ZDHHC8: variants seen among roughly 807,000 people sequenced by gnomAD.
ZDHHC8 encodes zDHHC palmitoyltransferase 8.
Under a neutral mutation model 61.2 loss-of-function variants are expected in ZDHHC8, and 24 were observed. The ratio of observed to expected loss-of-function variants is 0.39; its 90% CI spans 0.28 to 0.55. The LOEUF (loss-of-function observed/expected upper bound fraction) is 0.55. Among genes scored for constraint, ZDHHC8 ranks in the 20% least tolerant of loss-of-function variants. The pLI, the probability that ZDHHC8 is intolerant of heterozygous loss-of-function variation, is 0.60. For synonymous variants in ZDHHC8, 523 were observed against 492.5 expected, an observed-to-expected ratio of 1.06 and a Z score of -0.82; for missense variants, 935 against 1,102.1, an observed-to-expected ratio of 0.85 and a Z score of 2.15.
Position 20,143,390 on chromosome 22 carries a change from T to C in ZDHHC8, c.1760T>C (p.Leu587Pro), listed in dbSNP as rs745653559. ...GVYDAPSSYS[L>P]QQASVLSEGP... ...TATGACGCTCCCAGCTCCTACAGCC[T>C]GCAGCAGGCCAGTGTGCTGTCCGAG... Residue 587 changes from leucine to proline, a missense_variant, in exon 10 of 11, where the codon CTG becomes CCG. Physicochemically the swap from Leu to Pro is moderately conservative, Grantham distance 98. Around this residue, in one of 3 missense-constraint regions of ZDHHC8, gnomAD observed 692 missense variants for 731.4 expected, o/e 0.95. Transcript: ENST00000334554. The C allele has an allele frequency of 3.8e-6, 6 of 1,586,466 alleles. No individual in the cohort carries two copies. In the South Asian group the frequency reaches 5.6e-5, roughly 15 times the overall value.
intron 1 of ZDHHC8, among the ~76,000 whole-genome samples, chr22:20,132,332 G>T (rs1020499956): frequency 2.0e-5 from 3 of 152,244 alleles, no homozygotes; most frequent in Admixed American, 2.0e-4. Context: ...GGAGCGCTGG[G>T]CCCTGGCAGG....
chr22:20,143,594 C>G lies in ZDHHC8; in HGVS notation c.1964C>G (p.Ala655Gly), dbSNP rs752324312. ...CAGGCTGATCAGGCCAGCAGCAACG[C>G]CCCGGGGCCCCGGCCCAGCAGTGGC... ...SLQADQASSNAPGPRPSSGSH... is the reference protein window; with the variant it reads ...SLQADQASSNGPGPRPSSGSH... The change falls in exon 10 of 11, where the codon GCC (alanine) becomes GGC (glycine). Residue 655 changes from alanine to glycine, a missense_variant. This residue lies in a region of ZDHHC8 where 692 missense variants were observed against 731.4 expected (regional missense o/e 0.95). Transcript: ENST00000334554. The G allele has an allele frequency of 6.2e-7, 1 of 1,600,708 alleles. No homozygotes were observed. The highest frequency in any genetic ancestry group is 8.5e-7 in the Non-Finnish European group (1 of 1,178,022).
chr22:20,143,766 G>A lies in ZDHHC8; in HGVS notation c.2126+10G>A, dbSNP rs760284130. ...CGCTGACCGTGCAGAGGTGGGTGCCGGGAGGTGCGGGTGGGCTTCCTGGCA... is the reference window on the plus strand; with the variant it reads ...CGCTGACCGTGCAGAGGTGGGTGCCAGGAGGTGCGGGTGGGCTTCCTGGCA... On this transcript the variant is annotated intron_variant, in intron 10 of 10. Coordinates refer to ENST00000334554, the MANE Select transcript of ZDHHC8 (RefSeq NM_013373.4). The A allele has an allele frequency of 3.9e-5, 63 of 1,597,562 alleles. No homozygotes were observed. The highest frequency in any genetic ancestry group is 3.1e-4 in the East Asian group (14 of 44,638).
rs2050454892 is a variant in ZDHHC8 at position 20,140,109 on chromosome 22, G to A, written c.558-6G>A. The A allele has an allele frequency of 6.2e-7, 1 of 1,613,540 alleles. No individual in the cohort carries two copies. ...CTGGCCTGCACCGTTGGCCTTAACG[G>A]GCTAGCATGGCTGTCATGTGTGTGG... On this transcript the variant is annotated splice_region_variant and splice_polypyrimidine_tract_variant and intron_variant, in intron 4 of 10. Transcript: ENST00000334554.
chr22:20,138,541 G>C (rs1416198779), intron 1 of ZDHHC8, among the ~76,000 whole-genome samples: 1 of 152,246 alleles, frequency 6.6e-6, no homozygotes, highest in East Asian at 1.9e-4. Flanking sequence ...TCCCGGAAGA[G>C]GGGGTGGCCT....
At chr22:20,138,312 G>C (rs2050438601) in intron 1 of ZDHHC8, among the ~76,000 whole-genome samples, 1 of 152,258 alleles carries the variant, frequency 6.6e-6, no homozygotes, top group Non-Finnish European at 1.5e-5. Flanking sequence ...GGGTGCGCAG[G>C]GGAGAGACAA....
At chr22:20,137,094 A>G (rs887401410) in intron 1 of ZDHHC8, among the ~76,000 whole-genome samples, 1 of 152,162 alleles carries the variant, frequency 6.6e-6, no homozygotes, top group Non-Finnish European at 1.5e-5. Flanking sequence ...AACCCACAAC[A>G]AGCCTCCCCA....
chr22:20,139,450 T>G, intron 2 of ZDHHC8, 28 bp from the exon 3 acceptor site: 1 of 1,610,194 alleles, frequency 6.2e-7, no homozygotes, highest in African/African-American at 1.3e-5. Context: ...GTCAACTTCC[T>G]GCTCACTGCC....
chr22:20,141,041 G>A (rs2050464724), intron 7 of ZDHHC8, 29 bp downstream of exon 7: 7 of 1,608,628 alleles, frequency 4.4e-6, no homozygotes, highest in Non-Finnish European at 5.9e-6. Context: ...GGATGGGCTG[G>A]CAGTCAGGCC....
rs1375394166 is a variant in ZDHHC8 at position 20,145,246 on chromosome 22, A to G, written c.2144A>G (p.Lys715Arg). 1.2e-5 allele frequency: 18 copies of G among 1,505,678 alleles called. No individual in the cohort carries two copies. The highest frequency in any genetic ancestry group is 1.6e-5 in the Non-Finnish European group (18 of 1,126,604). The allele number at this position is 1,505,678 out of a possible 1,614,324, so 93.3% of individuals were successfully genotyped here. Residue 715 changes from lysine (K) to arginine (R), a missense_variant, in exon 11 of 11, where the codon AAG becomes AGG. Lys to Arg is a conservative substitution (Grantham distance 26). Coordinates refer to ENST00000334554, the MANE Select transcript of ZDHHC8 (RefSeq NM_013373.4). ...TGATGCAGGGACCACCCTCAGCTGAAGACTCCCCCAAGTAAGCTTAATGGG... is the reference window on the plus strand; with the variant it reads ...TGATGCAGGGACCACCCTCAGCTGAGGACTCCCCCAAGTAAGCTTAATGGG... ...LTVQRDHPQL[K>R]TPPSKLNGQS...
At position 20,143,561 on chromosome 22, in the gene ZDHHC8, C is replaced by T. The variant is rs1416787579; in HGVS notation, c.1931C>T (p.Ser644Phe). ...SVSRAPRTSS[S>F]SLQADQASSN... ...AGCCGTGCACCGCGGACGTCGTCCT[C>T]CTCCCTGCAGGCTGATCAGGCCAGC... The change falls in exon 10 of 11, where the codon TCC (serine) becomes TTC (phenylalanine). Residue 644 changes from serine to phenylalanine, a missense_variant. Ser to Phe is a radical substitution (Grantham distance 155). Transcript: ENST00000334554. 25 of 1,597,330 alleles carry T rather than the reference C, an allele frequency of 1.6e-5. No individual in the cohort carries two copies. Among genetic ancestry groups the T allele is most frequent in the Non-Finnish European group, 2.0e-5 (23 of 1,175,788 alleles).
At position 20,139,245 on chromosome 22, in the gene ZDHHC8, C is replaced by T. The variant is rs746828694; in HGVS notation, c.156C>T (p.Gly52=). Residue 52 remains glycine, a synonymous_variant, in exon 2 of 11, where the codon GGC becomes GGT. Coordinates refer to ENST00000334554, the MANE Select transcript of ZDHHC8 (RefSeq NM_013373.4). ...CCCCAGCTGTTCCCGTCTACAATGG[C>T]ATCATCTTCCTCTTTGTCCTGGCCA... ...AVSPAVPVYN[G]IIFLFVLANF... 6 of 1,613,908 alleles carry T rather than the reference C, an allele frequency of 3.7e-6. No individual in the cohort carries two copies. In the African/African-American group the frequency reaches 4.0e-5, roughly 11 times the overall value.
chr22:20,145,407 A>G lies in ZDHHC8; in HGVS notation c.*7A>G. 1 of 1,508,214 alleles carries G rather than the reference A, an allele frequency of 6.6e-7. No homozygotes were observed. The allele number at this position is 1,508,214 out of a possible 1,614,324, so 93.4% of individuals were successfully genotyped here. On this transcript the variant is annotated 3_prime_UTR_variant, in exon 11 of 11. Transcript: ENST00000334554. ...CTACGAGATCTCGGTGTGAGGACTG[A>G]CTGCCACACATCCGCCATGGTGCCA...
rs200816916 is a variant in ZDHHC8 at position 20,145,183 on chromosome 22, C to T, written c.2127-46C>T. 4.6e-5 allele frequency: 64 copies of T among 1,377,328 alleles called. No homozygotes were observed. In the African/African-American group the frequency reaches 6.3e-4, roughly 14 times the overall value. 85.3% of individuals were successfully genotyped at this position (1,377,328 alleles called of 1,614,324 possible). A position where few individuals can be genotyped will look rare whatever the true frequency, so the allele number is the denominator to read the frequency against. On this transcript the variant is annotated intron_variant, in intron 10 of 10. Transcript: ENST00000334554. Reference sequence around the variant, plus strand: ...CTCCTCCGTCCTCTGTCCCCGTGTTCGTGTGTTCACCGTGTGCATGTGTGT... The same window carrying T: ...CTCCTCCGTCCTCTGTCCCCGTGTTTGTGTGTTCACCGTGTGCATGTGTGT...
chr22:20,146,423 C>G lies in ZDHHC8; in HGVS notation c.*1023C>G. The G allele has an allele frequency of 1.0e-6, 1 of 984,076 alleles. No individual in the cohort carries two copies. Among genetic ancestry groups the G allele is most frequent in the Non-Finnish European group, 1.2e-6 (1 of 828,612 alleles). The allele number at this position is 984,076 out of a possible 1,614,324, so 61.0% of individuals were successfully genotyped here. A position where few individuals can be genotyped will look rare whatever the true frequency, so the allele number is the denominator to read the frequency against. On this transcript the variant is annotated 3_prime_UTR_variant, in exon 11 of 11. Transcript: ENST00000334554. ...TGTTTTTATATCTACATCTATATATCTATAATTTTATTAAAAAAAAGAAAA... is the reference window on the plus strand; with the variant it reads ...TGTTTTTATATCTACATCTATATATGTATAATTTTATTAAAAAAAAGAAAA...
At position 20,146,569 on chromosome 22, in the gene ZDHHC8, C is replaced by T. The variant is rs541075306; in HGVS notation, c.*1169C>T. On this transcript the variant is annotated 3_prime_UTR_variant, in exon 11 of 11. Coordinates refer to ENST00000334554, the MANE Select transcript of ZDHHC8 (RefSeq NM_013373.4). Reference sequence around the variant, plus strand: ...TGGCTGCTGTCTGGTGTGCAGGGGTCGGTGGGTTCCTCAGGGGCATTTCTG... The same window carrying T: ...TGGCTGCTGTCTGGTGTGCAGGGGTTGGTGGGTTCCTCAGGGGCATTTCTG... The T allele has an allele frequency of 4.0e-4, 396 of 993,250 alleles. 6 individuals are homozygous for T. In the South Asian group the frequency reaches 0.015, roughly 39 times the overall value. 61.5% of individuals were successfully genotyped at this position (993,250 alleles called of 1,614,324 possible). A position where few individuals can be genotyped will look rare whatever the true frequency, so the allele number is the denominator to read the frequency against.
In ZDHHC8 at chr22:20,146,240, G is replaced by C; in HGVS notation, c.*840G>C. Reference sequence around the variant, plus strand: ...CCCTCAGGCCCTCCCTGCCAAACTGGAGAACCCCACCCCAAGGCATGCCAC... The same window carrying C: ...CCCTCAGGCCCTCCCTGCCAAACTGCAGAACCCCACCCCAAGGCATGCCAC... On this transcript the variant is annotated 3_prime_UTR_variant, in exon 11 of 11. Coordinates refer to ENST00000334554, the MANE Select transcript of ZDHHC8 (RefSeq NM_013373.4). The C allele has an allele frequency of 1.0e-6, 1 of 985,536 alleles. No individual in the cohort carries two copies. 61.0% of individuals were successfully genotyped at this position (985,536 alleles called of 1,614,324 possible).
chr22:20,132,096 G>T, intron 1 of ZDHHC8, 45 bp downstream of exon 1: 1 of 1,132,324 alleles, frequency 8.8e-7, no homozygotes, highest in Non-Finnish European at 1.1e-6. Context: ...GCGATGGGCA[G>T]GGCCCGCACA....
chr22:20,141,366 G>C, intron 8 of ZDHHC8, 29 bp downstream of exon 8: 1 of 1,611,468 alleles, frequency 6.2e-7, no homozygotes, highest in South Asian at 1.1e-5. Context: ...CGACTAGGGA[G>C]GGATATGGGT....
Sources: allele counts gnomAD v4.1 joint callset (sites outside exome capture counted in the v4.1 genomes callset), GRCh38; gene constraint gnomAD v4.1.1; regional missense constraint gnomAD v4.1.1; transcripts MANE v1.5; gene names NCBI Gene and HGNC (gene_info 2026-07-23, HGNC 2026-07-21).